Variants in NF1 observed in about 807,000 individuals in gnomAD.
The protein encoded by NF1 is neurofibromin.
In NF1, 122 loss-of-function variants were observed where a neutral mutation model predicts 325.7. That is an observed-to-expected ratio of 0.37 (90% CI 0.32 to 0.44). The LOEUF (loss-of-function observed/expected upper bound fraction) is 0.44, where lower values mean the gene tolerates loss of function less well. Among genes scored for constraint, NF1 ranks in the 20% least tolerant of loss-of-function variants. The pLI, the probability that NF1 is intolerant of heterozygous loss-of-function variation, is 1.00. For missense variants in NF1, 2,140 were observed against 3,415.4 expected, an observed-to-expected ratio of 0.63 and a Z score of 9.31; for synonymous variants, 1,091 against 1,186.0, an observed-to-expected ratio of 0.92 and a Z score of 1.65.
chr17:31,135,821 C>T (rs946713297), intron 1 of NF1, among the ~76,000 whole-genome samples: 13 of 152,020 alleles, frequency 8.6e-5, no homozygotes, highest in Non-Finnish European at 4.4e-5. Flanking sequence ...AAGCGATCCA[C>T]CTGCCTCAGC....
chr17:31,287,258 G>A (rs746762363), intron 36 of NF1, among the ~76,000 whole-genome samples: 1 of 152,132 alleles, frequency 6.6e-6, no homozygotes, highest in South Asian at 2.1e-4. Context: ...TCATTAAAAT[G>A]GTTATATAGC....
intron 36 of NF1, among the ~76,000 whole-genome samples, chr17:31,308,421 A>G (rs568803081): frequency 1.8e-4 from 28 of 152,240 alleles, no homozygotes; most frequent in African/African-American, 6.3e-4. Flanking sequence ...GATTACAGGC[A>G]TGAGCCACCA....
chr17:31,368,031 A>G (rs947249152), intron 57 of NF1, among the ~76,000 whole-genome samples: 1 of 152,208 alleles, frequency 6.6e-6, no homozygotes, highest in Admixed American at 6.5e-5. Context: ...ATTTATGTCT[A>G]ATTTATAAAA....
intron 8 of NF1, among the ~76,000 whole-genome samples, chr17:31,196,625 AAT>A (rs1412127572): frequency 3.1e-5 from 3 of 97,860 alleles, no homozygotes; most frequent in African/African-American, 8.1e-5. Context: ...CAATGTTGAA[AAT>A]ATTTTTTTTT....
In NF1 at chr17:31,276,954, G is replaced by A. The variant is rs1385227359; in HGVS notation, c.4835+11615G>A. ...TAAACTACTAATAAGACTGTTGATC[G>A]GAAGCCTTTTGATAACATAAACAGA... is the stretch of plus-strand genomic sequence containing the variant. On this transcript the variant is annotated intron_variant, in intron 36 of 57. Coordinates refer to ENST00000358273, the MANE Select transcript of NF1 (RefSeq NM_001042492.3). Among the ~76,000 whole-genome samples the A allele has an allele frequency of 2.6e-5, 4 of 152,126 alleles. 1 individual carries two copies. The highest frequency in any genetic ancestry group is 4.1e-4 in the South Asian group (2 of 4,826).
intron 1 of NF1, among the ~76,000 whole-genome samples, chr17:31,104,074 A>G (rs1715281255): frequency 6.6e-6 from 1 of 152,036 alleles, no homozygotes; most frequent in South Asian, 2.1e-4. Context: ...TTATTTGGGT[A>G]CCGGCCACTG....
chr17:31,209,539 C>A (rs2066686762), intron 12 of NF1, among the ~76,000 whole-genome samples: 1 of 152,198 alleles, frequency 6.6e-6, no homozygotes, highest in African/African-American at 2.4e-5. Flanking sequence ...CACAAGGTGG[C>A]CCTGCAGATA....
chr17:31,121,176 C>T lies in NF1; in HGVS notation c.60+25807C>T, dbSNP rs543650652. On this transcript the variant is annotated intron_variant, in intron 1 of 57. Coordinates refer to ENST00000358273, the MANE Select transcript of NF1 (RefSeq NM_001042492.3). ...CATTGAGTTTTAAACCATATTTTAG[C>T]ATTTTTCCAGGTGTTCAAAAAGAAA... Among the ~76,000 whole-genome samples, 13 of 152,192 alleles carry T rather than the reference C, an allele frequency of 8.5e-5. No individual in the cohort carries two copies. In the South Asian group the frequency reaches 2.5e-3, roughly 29 times the overall value.
chr17:31,303,961 T>C (rs906451185), intron 36 of NF1: 9 of 193,804 alleles, frequency 4.6e-5, no homozygotes, highest in African/African-American at 1.9e-4. Context: ...GAAAAAAAAC[T>C]GTACTGGGTA....
At chr17:31,296,575 CTTTAT>C (rs1204645981) in intron 36 of NF1, 2 of 503,986 alleles carry the variant, frequency 4.0e-6, no homozygotes, top group African/African-American at 3.8e-5. Flanking sequence ...GCATTTTCTC[CTTTAT>C]TTTCTCTCTC....
chr17:31,199,180 A>G (rs2066484172), intron 8 of NF1, among the ~76,000 whole-genome samples: 1 of 151,960 alleles, frequency 6.6e-6, no homozygotes, highest in African/African-American at 2.4e-5. Flanking sequence ...AGGTTATTGA[A>G]TGAGAACTTT....
chr17:31,129,316 G>C (rs1035083042), intron 1 of NF1, among the ~76,000 whole-genome samples: 4 of 151,662 alleles, frequency 2.6e-5, no homozygotes, highest in Non-Finnish European at 5.9e-5. Context: ...TATTTCTTGG[G>C]GGTTTTGTTT....
At chr17:31,308,645 T>A (rs543440456) in intron 36 of NF1, among the ~76,000 whole-genome samples, 15 of 148,316 alleles carry the variant, frequency 1.0e-4, no homozygotes, top group African/African-American at 2.9e-4. Context: ...CTTTTTTTTT[T>A]ATTTTTCTTC....
intron 30 of NF1, among the ~76,000 whole-genome samples, chr17:31,249,501 A>T (rs1029107475): frequency 6.6e-6 from 1 of 152,038 alleles, no homozygotes; most frequent in African/African-American, 2.4e-5. Flanking sequence ...TGCTTTTTGC[A>T]TTGTGAATTG....
intron 57 of NF1, among the ~76,000 whole-genome samples, chr17:31,361,965 AC>A (rs1267787021): frequency 2.6e-5 from 4 of 152,188 alleles, no homozygotes; most frequent in African/African-American, 9.6e-5. Flanking sequence ...GAGAAGTCTA[AC>A]TTTTTTTCCC....
intron 36 of NF1, chr17:31,304,072 A>G (rs1382965323): frequency 1.9e-6 from 1 of 518,692 alleles, no homozygotes; most frequent in East Asian, 3.2e-5. Context: ...TATAATTAGT[A>G]AATAGATTAC....
chr17:31,322,081 TGTA>T (rs1212954233), intron 36 of NF1, among the ~76,000 whole-genome samples: 3 of 111,222 alleles, frequency 2.7e-5, no homozygotes, highest in East Asian at 2.6e-4. Context: ...TTTCGTGTGG[TGTA>T]GTGTGTGTAT....
chr17:31,095,611 C>A (rs991487839), intron 1 of NF1, among the ~76,000 whole-genome samples: 59 of 152,136 alleles, frequency 3.9e-4, no homozygotes, highest in African/African-American at 1.3e-3. Flanking sequence ...GGGGCCTTGT[C>A]CCTGACCAGC....
At position 31,288,527 on chromosome 17, in the gene NF1, T is replaced by G. The variant is rs1464874555; in HGVS notation, c.4835+23188T>G. 2.7e-3 allele frequency among the ~76,000 whole-genome samples: 132 copies of G among 48,598 alleles called. No homozygotes were observed. In the African/African-American group the frequency reaches 0.043, roughly 16 times the overall value. 31.9% of individuals were successfully genotyped at this position (48,598 alleles called of 152,430 possible). ...GAACTAGTTTTTTTTGCTTTGTTTT[T>G]TTTTTTTTTTTTTTTTTTTGGAGTG... On this transcript the variant is annotated intron_variant, in intron 36 of 57. Coordinates refer to ENST00000358273, the MANE Select transcript of NF1 (RefSeq NM_001042492.3).
Sources: allele counts gnomAD v4.1 joint callset (sites outside exome capture counted in the v4.1 genomes callset), GRCh38; gene constraint gnomAD v4.1.1; transcripts MANE v1.5; gene names NCBI Gene and HGNC (gene_info 2026-07-23, HGNC 2026-07-21).